The following UBXN2A variants were observed in gnomAD, a reference collection of about 807,000 sequenced individuals.
UBXN2A encodes UBX domain protein 2A.
Under a neutral mutation model 28.4 loss-of-function variants are expected in UBXN2A, and 28 were observed. The ratio of observed to expected loss-of-function variants is 0.99; its 90% CI spans 0.73 to 1.35. The LOEUF is 1.35. Among genes scored for constraint, UBXN2A ranks in the 40% most tolerant of loss-of-function variants. UBXN2A has a pLI of 0.00. For synonymous variants in UBXN2A, 97 were observed against 103.6 expected (o/e 0.94, Z 0.39); for missense variants, 253 against 297.9 (o/e 0.85, Z 1.11).
chr2:23,954,546 G>A (rs945094021), intron 1 of UBXN2A, among the ~76,000 whole-genome samples: 1 of 152,012 alleles, frequency 6.6e-6, no homozygotes, highest in Admixed American at 6.6e-5. Flanking sequence ...TTTCAATTTC[G>A]TTACAACCTT....
At chr2:23,940,955 A>G (rs1705726146) in intron 1 of UBXN2A, among the ~76,000 whole-genome samples, 2 of 152,086 alleles carry the variant, frequency 1.3e-5, no homozygotes, top group Non-Finnish European at 2.9e-5. Context: ...TCCGAAACTT[A>G]CAGTTATGCG....
Position 24,004,890 on chromosome 2 carries a change from T to G in UBXN2A, c.*5023T>G, listed in dbSNP as rs1573622723. 1 of 152,240 alleles carries G rather than the reference T, an allele frequency of 6.6e-6. No homozygotes were observed. Among genetic ancestry groups the G allele is most frequent in the East Asian group, 1.9e-4 (1 of 5,202 alleles). The allele number at this position is 152,240 out of a possible 1,614,324, so 9.4% of individuals were successfully genotyped here. A position where few individuals can be genotyped will look rare whatever the true frequency, so the allele number is the denominator to read the frequency against. ...GAACTGTTAATGAAATACTGTTCAT[T>G]AAAAGGATCTGTGAAATCATTTACC... is the stretch of plus-strand genomic sequence containing the variant. On this transcript the variant is annotated 3_prime_UTR_variant, in exon 7 of 7. Coordinates refer to ENST00000309033, the MANE Select transcript of UBXN2A (RefSeq NM_181713.4).
At chr2:23,947,684 ATTCTATGCCATG>A (rs1364195273) in intron 1 of UBXN2A, among the ~76,000 whole-genome samples, 2 of 152,140 alleles carry the variant, frequency 1.3e-5, no homozygotes, top group Non-Finnish European at 2.9e-5. Context: ...TTACATCATA[ATTCTATGCCATG>A]CTTACAATTA....
Position 24,000,174 on chromosome 2 carries a change from T to C in UBXN2A, c.*307T>C. 2 of 252,132 alleles carry C rather than the reference T, an allele frequency of 7.9e-6. No homozygotes were observed. 15.6% of individuals were successfully genotyped at this position (252,132 alleles called of 1,614,324 possible). A position where few individuals can be genotyped will look rare whatever the true frequency, so the allele number is the denominator to read the frequency against. ...TCTTAATATGGTATAAATTAGCATA[T>C]GTATTCACAATATTCATTCAGACAT... is the stretch of plus-strand genomic sequence containing the variant. On this transcript the variant is annotated 3_prime_UTR_variant, in exon 7 of 7. Transcript: ENST00000309033.
At chr2:23,993,732 G>A (rs986596336) in intron 6 of UBXN2A, among the ~76,000 whole-genome samples, 2 of 138,962 alleles carry the variant, frequency 1.4e-5, no homozygotes, top group East Asian at 2.1e-4. Context: ...TCTGTCACCT[G>A]GTTGGAGCGC....
At chr2:23,929,436 G>A (rs1306779919) in intron 1 of UBXN2A, among the ~76,000 whole-genome samples, 1 of 151,920 alleles carries the variant, frequency 6.6e-6, no homozygotes, top group Non-Finnish European at 1.5e-5. Context: ...AAAGGGTAGG[G>A]TGCAGTGGCT....
intron 1 of UBXN2A, chr2:23,944,188 C>A: frequency 7.0e-7 from 1 of 1,423,212 alleles, no homozygotes; most frequent in Non-Finnish European, 9.9e-7. Flanking sequence ...CTGATGGACA[C>A]AACTAAGTTT....
At chr2:23,934,370 G>A (rs1705463530) in intron 1 of UBXN2A, among the ~76,000 whole-genome samples, 1 of 152,218 alleles carries the variant, frequency 6.6e-6, no homozygotes, top group Admixed American at 6.5e-5. Flanking sequence ...AGTAGCCAAT[G>A]TGTTGGACAA....
At chr2:23,992,516 C>T (rs1357936649) in intron 6 of UBXN2A, among the ~76,000 whole-genome samples, 1 of 152,142 alleles carries the variant, frequency 6.6e-6, no homozygotes, top group African/African-American at 2.4e-5. Flanking sequence ...ACGAACAATA[C>T]CTCGGAAAGG....
At chr2:23,993,518 A>G (rs1171429433) in intron 6 of UBXN2A, among the ~76,000 whole-genome samples, 1 of 151,826 alleles carries the variant, frequency 6.6e-6, no homozygotes, top group Non-Finnish European at 1.5e-5. Flanking sequence ...CCTTTTTGCT[A>G]TTTTTGTCAA....
intron 1 of UBXN2A, among the ~76,000 whole-genome samples, chr2:23,941,834 A>G (rs1036830099): frequency 6.6e-6 from 1 of 152,222 alleles, no homozygotes; most frequent in African/African-American, 2.4e-5. Context: ...GCACTTTGAA[A>G]GGCTGAGGTG....
At position 24,000,216 on chromosome 2, in the gene UBXN2A, G is replaced by A. The variant is rs72781665; in HGVS notation, c.*349G>A. The A allele has an allele frequency of 0.12, 22,133 of 178,456 alleles. 1,492 individuals carry two copies. The highest frequency in any genetic ancestry group is 0.2 in the Middle Eastern group (86 of 428). The allele number at this position is 178,456 out of a possible 1,614,324, so 11.1% of individuals were successfully genotyped here. A position where few individuals can be genotyped will look rare whatever the true frequency, so the allele number is the denominator to read the frequency against. Reference sequence around the variant, plus strand: ...TTCAGACATCATTCCCAGACAGCAGGGATTTATTTAAATGTTAGCTGTCTG... The same window carrying A: ...TTCAGACATCATTCCCAGACAGCAGAGATTTATTTAAATGTTAGCTGTCTG... On this transcript the variant is annotated 3_prime_UTR_variant, in exon 7 of 7. Transcript: ENST00000309033.
chr2:23,930,443 A>G (rs1705334111), intron 1 of UBXN2A, among the ~76,000 whole-genome samples: 1 of 152,238 alleles, frequency 6.6e-6, no homozygotes, highest in South Asian at 2.1e-4. Flanking sequence ...ATACAATGTG[A>G]AAAGAAAGAA....
intron 2 of UBXN2A, among the ~76,000 whole-genome samples, chr2:23,966,557 A>G (rs1317124954): frequency 7.0e-6 from 1 of 143,822 alleles, no homozygotes; most frequent in Non-Finnish European, 1.5e-5. Context: ...GGTTCACGCC[A>G]TTCTTCTGCC....
At chr2:23,984,953 G>A (rs1708065081) in intron 6 of UBXN2A, 122 bp downstream of exon 6, 2 of 1,044,548 alleles carry the variant, frequency 1.9e-6, no homozygotes, top group Non-Finnish European at 2.6e-6. Flanking sequence ...CCAGGCCAGA[G>A]TGCAGTGGCA....
upstream of UBXN2A, among the ~76,000 whole-genome samples, chr2:23,940,105 A>C (rs1386805012): frequency 9.2e-6 from 1 of 108,604 alleles, no homozygotes; most frequent in Non-Finnish European, 1.8e-5. Context: ...AGCGAGATTT[A>C]GTCTCAAAAA....
intron 1 of UBXN2A, among the ~76,000 whole-genome samples, chr2:23,932,351 C>G (rs1321034357): frequency 2.7e-5 from 4 of 150,800 alleles, no homozygotes; most frequent in African/African-American, 7.3e-5. Flanking sequence ...AAAAGAAATG[C>G]AAAAGACAGT....
At chr2:23,991,124 G>T (rs573128498) in intron 6 of UBXN2A, among the ~76,000 whole-genome samples, 2 of 152,016 alleles carry the variant, frequency 1.3e-5, no homozygotes, top group Non-Finnish European at 2.9e-5. Context: ...TTTTTCTTCC[G>T]TTTTTTCTGC....
At chr2:23,995,566 G>A (rs1048383980) in intron 6 of UBXN2A, among the ~76,000 whole-genome samples, 22 of 151,728 alleles carry the variant, frequency 1.4e-4, no homozygotes, top group African/African-American at 3.4e-4. Flanking sequence ...GGTAGCGGGC[G>A]TCTGTAGTCC....
Sources: allele counts gnomAD v4.1 joint callset (sites outside exome capture counted in the v4.1 genomes callset), GRCh38; gene constraint gnomAD v4.1.1; transcripts MANE v1.5; gene names NCBI Gene and HGNC (gene_info 2026-07-23, HGNC 2026-07-21).